CCNT1: variants seen among roughly 807,000 people sequenced by gnomAD.
CCNT1 encodes cyclin-T1.
Under a neutral mutation model 67.3 loss-of-function variants are expected in CCNT1, and 18 were observed. That is an observed-to-expected ratio of 0.27 (90% CI 0.18 to 0.40). CCNT1 has a LOEUF of 0.40. CCNT1 is among the 10% of genes least tolerant of loss of function. The probability of loss-of-function intolerance (pLI) is 1.00; values close to 1 mark genes in which losing one functional copy is unlikely to be tolerated. For missense variants in CCNT1, 744 were observed against 884.9 expected (o/e 0.84, Z 2.02); for synonymous variants, 333 against 310.3 (o/e 1.07, Z -0.77).
At chr12:48,712,004 C>G (rs1357256131) in intron 2 of CCNT1, among the ~76,000 whole-genome samples, 1 of 152,072 alleles carries the variant, frequency 6.6e-6, no homozygotes, top group Non-Finnish European at 1.5e-5. Context: ...CCATGTTAGC[C>G]AGGATGGTCT....
chr12:48,712,366 G>A (rs1038780820), intron 2 of CCNT1, among the ~76,000 whole-genome samples: 10 of 150,576 alleles, frequency 6.6e-5, no homozygotes, highest in African/African-American at 1.7e-4. Flanking sequence ...CCACAACCTC[G>A]GCCTCCCCAG....
intron 6 of CCNT1, among the ~76,000 whole-genome samples, chr12:48,697,189 T>C (rs11168687): frequency 1.4e-4 from 22 of 152,020 alleles, no homozygotes; most frequent in Admixed American, 4.6e-4. Flanking sequence ...TAAGTGCCCA[T>C]TGATTGATAG....
chr12:48,708,926 A>T (rs1369399960), intron 2 of CCNT1, among the ~76,000 whole-genome samples: 1 of 152,138 alleles, frequency 6.6e-6, no homozygotes, highest in Non-Finnish European at 1.5e-5. Flanking sequence ...CCTCATCTCT[A>T]CAAAAAATCA....
Position 48,705,915 on chromosome 12 carries a change from A to T in CCNT1, c.244-19T>A. On this transcript the variant is annotated intron_variant, in intron 2 of 8. Coordinates refer to ENST00000261900, the MANE Select transcript of CCNT1 (RefSeq NM_001240.4). ...CCACAGACTGAATGGAGAGAAAATAAATCATATTTATTATCAATTTATTCA... is the reference window on the plus strand; with the variant it reads ...CCACAGACTGAATGGAGAGAAAATATATCATATTTATTATCAATTTATTCA... The T allele has an allele frequency of 6.2e-7, 1 of 1,601,096 alleles. No individual in the cohort carries two copies. The highest frequency in any genetic ancestry group is 8.5e-7 in the Non-Finnish European group (1 of 1,175,142).
In CCNT1 at chr12:48,693,451, G is replaced by A; in HGVS notation, c.1763C>T (p.Pro588Leu). ...TTTAGTACTCTTGGCAATCTTGGCTGGATGATCAAACACAGCCCCTCCAGT... is the reference window on the plus strand; with the variant it reads ...TTTAGTACTCTTGGCAATCTTGGCTAGATGATCAAACACAGCCCCTCCAGT... ...EETGGAVFDH[P>L]AKIAKSTKSS... The change falls in exon 9 of 9, where the codon CCA becomes CTA. Residue 588 changes from proline to leucine, a missense_variant. By Grantham distance (98) the Pro-to-Leu change is moderately conservative. Transcript: ENST00000261900. The A allele has an allele frequency of 6.2e-7, 1 of 1,614,216 alleles. No homozygotes were observed. The highest frequency in any genetic ancestry group is 8.5e-7 in the Non-Finnish European group (1 of 1,180,050).
In CCNT1 at chr12:48,691,399, T is replaced by C. The variant is rs145173258; in HGVS notation, c.*1634A>G. Reference sequence around the variant, plus strand: ...CATGAAGTAAGCTGCAATCAAATCATGAAAACAAACTCAAATTGAACCACC... The same window carrying C: ...CATGAAGTAAGCTGCAATCAAATCACGAAAACAAACTCAAATTGAACCACC... On this transcript the variant is annotated 3_prime_UTR_variant, in exon 9 of 9. Coordinates refer to ENST00000261900, the MANE Select transcript of CCNT1 (RefSeq NM_001240.4). 2.5e-3 allele frequency: 374 copies of C among 152,198 alleles called. 2 individuals carry two copies. Among genetic ancestry groups the C allele is most frequent in the African/African-American group, 8.5e-3 (351 of 41,510 alleles). The allele number at this position is 152,198 out of a possible 1,614,324, so 9.4% of individuals were successfully genotyped here.
chr12:48,695,900 TACTAACTA>T, intron 7 of CCNT1, 71 bp from the exon 8 acceptor site: 3 of 1,511,628 alleles, frequency 2.0e-6, no homozygotes, highest in Non-Finnish European at 2.8e-6. Flanking sequence ...TAACCTGAAC[TACTAACTA>T]ACTATTTTCA....
chr12:48,703,668 G>T (rs961108051), intron 3 of CCNT1, among the ~76,000 whole-genome samples: 1 of 152,076 alleles, frequency 6.6e-6, no homozygotes, highest in African/African-American at 2.4e-5. Context: ...AGGTGCAGTG[G>T]CTCACGCCTG....
chr12:48,713,758 T>C (rs571015072), intron 2 of CCNT1, among the ~76,000 whole-genome samples: 11 of 152,310 alleles, frequency 7.2e-5, no homozygotes, highest in African/African-American at 2.6e-4. Flanking sequence ...CATTCCACCA[T>C]GGACAACAGG....
intron 3 of CCNT1, among the ~76,000 whole-genome samples, chr12:48,702,187 G>A (rs555150554): frequency 4.6e-5 from 7 of 152,282 alleles, no homozygotes; most frequent in East Asian, 3.9e-4. Context: ...ATGAGCCACC[G>A]CGCCTGGCCA....
At chr12:48,713,613 A>C (rs1260748704) in intron 2 of CCNT1, among the ~76,000 whole-genome samples, 1 of 152,114 alleles carries the variant, frequency 6.6e-6, no homozygotes. Context: ...GGGAGACCCC[A>C]TCTTCACAAA....
chr12:48,712,579 TAAAAAAAAAAAAAAATAAAAAA>T (rs753275758), intron 2 of CCNT1, among the ~76,000 whole-genome samples: 156 of 32,922 alleles, frequency 4.7e-3, no homozygotes, highest in Middle Eastern at 0.023. Flanking sequence ...ATCTTTTCCT[TAAAAAAAAAAAAAAATAAAAAA>T]AAAAAAAAAA....
intron 2 of CCNT1, among the ~76,000 whole-genome samples, chr12:48,712,554 G>A (rs1020729165): frequency 2.6e-5 from 3 of 116,634 alleles, no homozygotes; most frequent in Non-Finnish European, 3.3e-5. Context: ...TTAAGCCACC[G>A]TGCCCAGCAG....
intron 3 of CCNT1, among the ~76,000 whole-genome samples, chr12:48,705,293 G>T (rs138657938): frequency 6.6e-6 from 1 of 151,736 alleles, no homozygotes; most frequent in African/African-American, 2.4e-5. Flanking sequence ...TGTTGTTGTT[G>T]TTGTTGTTGT....
Position 48,693,586 on chromosome 12 carries a change from C to A in CCNT1, c.1628G>T (p.Gly543Val). 2 of 1,614,082 alleles carry A rather than the reference C, an allele frequency of 1.2e-6. No homozygotes were observed. The highest frequency in any genetic ancestry group is 1.7e-6 in the Non-Finnish European group (2 of 1,180,022). ...LPVGTGNKRP[G>V]DPKHSSQTSN... ...TGTCTGGCTACTATGTTTTGGATCA[C>A]CAGGACGTTTGTTCCCAGTACCAAC... Residue 543 changes from glycine (G) to valine (V), a missense_variant, in exon 9 of 9, where the codon GGT (glycine) becomes GTT (valine). Physicochemically the swap from Gly to Val is moderately radical, Grantham distance 109 (BLOSUM62 -3). Coordinates refer to ENST00000261900, the MANE Select transcript of CCNT1 (RefSeq NM_001240.4).
Position 48,696,099 on chromosome 12 carries a change from G to A in CCNT1, c.606C>T (p.His202=). 1.9e-6 allele frequency: 3 copies of A among 1,613,926 alleles called. No homozygotes were observed. The highest frequency in any genetic ancestry group is 2.5e-6 in the Non-Finnish European group (3 of 1,179,872). The part of the protein sequence containing the change: ...TPPVVACVCI[H]LACKWSNWEI... ...CCCAATTGGACCACTTGCAAGCCAGGTGAATGCAGACACAGGCCACCACAG... is the reference window on the plus strand; with the variant it reads ...CCCAATTGGACCACTTGCAAGCCAGATGAATGCAGACACAGGCCACCACAG... Residue 202 remains histidine, a synonymous_variant, in exon 7 of 9, where the codon CAC becomes CAT. Coordinates refer to ENST00000261900, the MANE Select transcript of CCNT1 (RefSeq NM_001240.4).
At chr12:48,711,921 T>TA (rs1940456995) in intron 2 of CCNT1, among the ~76,000 whole-genome samples, 1 of 152,052 alleles carries the variant, frequency 6.6e-6, no homozygotes. Context: ...GCCTCCCGAG[T>TA]AGCTGGGACT....
chr12:48,703,886 A>G (rs866117546), intron 3 of CCNT1, among the ~76,000 whole-genome samples: 2 of 151,836 alleles, frequency 1.3e-5, no homozygotes, highest in African/African-American at 2.4e-5. Flanking sequence ...TGATCACACT[A>G]CTGGACTCCA....
At chr12:48,712,096 A>T (rs1940460497) in intron 2 of CCNT1, among the ~76,000 whole-genome samples, 1 of 151,946 alleles carries the variant, frequency 6.6e-6, no homozygotes. Flanking sequence ...CACCTGGCCC[A>T]CAAAAATCTT....
Sources: allele counts gnomAD v4.1 joint callset (sites outside exome capture counted in the v4.1 genomes callset), GRCh38; gene constraint gnomAD v4.1.1; transcripts MANE v1.5; gene names NCBI Gene and HGNC (gene_info 2026-07-23, HGNC 2026-07-21).